ABCA1: variants seen among roughly 807,000 people sequenced by gnomAD.
ABCA1 encodes the protein ATP binding cassette subfamily A member 1.
ABCA1 carries 133 observed loss-of-function variants against 262.5 expected under a neutral mutation model. The observed-to-expected ratio is 0.51, with a 90% CI of 0.44 to 0.59. The LOEUF (loss-of-function observed/expected upper bound fraction) is 0.59, where lower values mean the gene tolerates loss of function less well. ABCA1 is among the 20% of genes least tolerant of loss of function. The probability of loss-of-function intolerance (pLI) is 0.00; values close to 1 mark genes in which losing one functional copy is unlikely to be tolerated. For missense variants in ABCA1, 2,452 were observed against 2,777.5 expected, an observed-to-expected ratio of 0.88 and a Z score of 2.63; for synonymous variants, 1,022 against 1,043.5, an observed-to-expected ratio of 0.98 and a Z score of 0.40.
rs533413438 is a variant in ABCA1 at position 104,825,753 on chromosome 9, C to A, written c.2472G>T (p.Ser824=). ...AGGTGTCAAACAGCATCATGGAGAC[C>A]GAAGTGGTGAGATTGAAGCCATCTT... The part of the protein sequence containing the change: ...VEEDGFNLTT[S]VSMMLFDTFL... Residue 824 remains serine (S), a synonymous_variant, in exon 17 of 50, where the codon TCG becomes TCT. Transcript: ENST00000374736. 3.7e-6 allele frequency: 6 copies of A among 1,614,044 alleles called. No homozygotes were observed. In the Admixed American group the frequency reaches 1.0e-4, roughly 27 times the overall value.
intron 5 of ABCA1, among the ~76,000 whole-genome samples, chr9:104,879,723 G>A (rs1213458701): frequency 6.6e-6 from 1 of 152,202 alleles, no homozygotes; most frequent in Non-Finnish European, 1.5e-5. Flanking sequence ...TGACGTGAAT[G>A]CCAAAATGCC....
intron 20 of ABCA1, among the ~76,000 whole-genome samples, chr9:104,820,413 T>C (rs1832217236): frequency 6.6e-6 from 1 of 151,934 alleles, no homozygotes; most frequent in Non-Finnish European, 1.5e-5. Flanking sequence ...AGAAGTCAGC[T>C]CGGCACTCAC....
In ABCA1 at chr9:104,830,936, G is replaced by A. The variant is rs376462722; in HGVS notation, c.1881C>T (p.Tyr627=). Residue 627 remains tyrosine (Y), a synonymous_variant, in exon 14 of 50, where the codon TAC becomes TAT. Transcript: ENST00000374736. ...TGCAGGTAACTTACATGTCATCAAC[G>A]TAACAGGGATAGGGCATCTGTTGCA... ...VYMQQMPYPC[Y]VDDIFLRVMS... The A allele has an allele frequency of 8.2e-5, 133 of 1,613,204 alleles. No individual in the cohort carries two copies. Among genetic ancestry groups the A allele is most frequent in the Non-Finnish European group, 6.2e-5 (73 of 1,179,870 alleles).
intron 13 of ABCA1, 49 bp from the exon 14 acceptor site, chr9:104,831,150 A>AAAAT: frequency 6.3e-6 from 1 of 157,868 alleles, no homozygotes; most frequent in Non-Finnish European, 1.1e-5. Context: ...ACCATACAAT[A>AAAAT]AAAAAAAAAA....
intron 1 of ABCA1, among the ~76,000 whole-genome samples, chr9:104,924,537 G>A (rs1842319040): frequency 6.6e-6 from 1 of 151,430 alleles, no homozygotes; most frequent in Admixed American, 6.6e-5. Flanking sequence ...CTGAACCTGA[G>A]AGGCGGAAGT....
chr9:104,901,584 GGACTGGAACACCAAGACCTGGGGA>G (rs1840672311), intron 2 of ABCA1, among the ~76,000 whole-genome samples: 2 of 152,258 alleles, frequency 1.3e-5, no homozygotes, highest in Admixed American at 1.3e-4. Context: ...CGGACATAGA[GGACTGGAACACCAAGACCTGGGGA>G]TAACCACGGG....
chr9:104,898,577 TAAATAAATAAATA>T (rs1300479306), intron 2 of ABCA1, among the ~76,000 whole-genome samples: 1 of 150,134 alleles, frequency 6.7e-6, no homozygotes, highest in African/African-American at 2.5e-5. Flanking sequence ...AATAAATAAA[TAAATAAATAAATA>T]AATAAATATT....
chr9:104,890,477 A>AG (rs1384732087), intron 2 of ABCA1, among the ~76,000 whole-genome samples: 8 of 152,232 alleles, frequency 5.3e-5, no homozygotes, highest in Middle Eastern at 3.4e-3. Context: ...GGTACTTGGG[A>AG]GGCTGAGGCA....
At chr9:104,895,818 C>T (rs1247234489) in intron 2 of ABCA1, among the ~76,000 whole-genome samples, 2 of 152,158 alleles carry the variant, frequency 1.3e-5, no homozygotes, top group Non-Finnish European at 2.9e-5. Flanking sequence ...GACACAGTCA[C>T]GGTGCTCTTA....
At chr9:104,926,328 C>A (rs1826320768) in intron 1 of ABCA1, among the ~76,000 whole-genome samples, 1 of 152,034 alleles carries the variant, frequency 6.6e-6, no homozygotes, top group Admixed American at 6.6e-5. Flanking sequence ...AATCTTATTT[C>A]TTTGCTTCTT....
rs145623477 is a variant in ABCA1 at position 104,862,126 on chromosome 9, C to T, written c.422-326G>A. On this transcript the variant is annotated intron_variant, in intron 5 of 49. Transcript: ENST00000374736. ...TTCTTTTTTTTTTTTTATTTTGAGA[C>T]GGAGTCTCACCCTGTCACCTAGGTT... Among the ~76,000 whole-genome samples the T allele has an allele frequency of 7.6e-3, 1,149 of 150,546 alleles. 19 individuals carry two copies. Among genetic ancestry groups the T allele is most frequent in the African/African-American group, 0.027 (1,083 of 40,806 alleles).
In ABCA1 at chr9:104,841,442, AAAAAG is replaced by A. The variant is rs1554721806; in HGVS notation, c.814-928_814-924del. Among the ~76,000 whole-genome samples the A allele has an allele frequency of 1.5e-3, 133 of 87,214 alleles. 2 individuals carry two copies. Among genetic ancestry groups the A allele is most frequent in the African/African-American group, 8.7e-3 (129 of 14,874 alleles). The allele number at this position is 87,214 out of a possible 152,430, so 57.2% of individuals were successfully genotyped here. ...CAAAAGCAAGACTCAGTCTTAAAAA[AAAAAG>A]AAAAAGAAAAAGAAAAAGAAAAACT... On this transcript the variant is annotated intron_variant, in intron 8 of 49. Coordinates refer to ENST00000374736, the MANE Select transcript of ABCA1 (RefSeq NM_005502.4).
At chr9:104,820,974 G>A (rs898142267) in intron 20 of ABCA1, among the ~76,000 whole-genome samples, 1 of 152,246 alleles carries the variant, frequency 6.6e-6, no homozygotes, top group Non-Finnish European at 1.5e-5. Context: ...GCCAGACACA[G>A]TGGCTCATGC....
chr9:104,861,415 A>G (rs1446200848), intron 6 of ABCA1: 1 of 597,918 alleles, frequency 1.7e-6, no homozygotes, highest in East Asian at 2.8e-5. Flanking sequence ...TTGTAGGAGG[A>G]AATCATCACA....
chr9:104,903,312 G>A (rs1208082954), intron 2 of ABCA1, among the ~76,000 whole-genome samples: 1 of 152,128 alleles, frequency 6.6e-6, no homozygotes, highest in Non-Finnish European at 1.5e-5. Context: ...CAGGGCTGCA[G>A]CAAAAGGAAA....
Position 104,821,463 on chromosome 9 carries a change from A to G in ABCA1, c.2872T>C (p.Tyr958His). 2 of 1,614,104 alleles carry G rather than the reference A, an allele frequency of 1.2e-6. No individual in the cohort carries two copies. Among genetic ancestry groups the G allele is most frequent in the African/African-American group, 1.3e-5 (1 of 75,058 alleles). The change falls in exon 20 of 50, where the codon TAC (tyrosine) becomes CAC (histidine). Residue 958 changes from tyrosine (Y) to histidine (H), a missense_variant. Coordinates refer to ENST00000374736, the MANE Select transcript of ABCA1 (RefSeq NM_005502.4). Reference sequence around the variant, plus strand: ...GAGCGAATGTCTTTTCCCAGGATGTAGGCGGTGCCCGAGGTCGGGGGGAAC... The same window carrying G: ...GAGCGAATGTCTTTTCCCAGGATGTGGGCGGTGCCCGAGGTCGGGGGGAAC... Reference protein sequence around the residue: ...GLFPPTSGTAYILGKDIRSEM... With the variant: ...GLFPPTSGTAHILGKDIRSEM...
chr9:104,792,135 G>C (rs74712259), intron 42 of ABCA1, 137 bp from the exon 43 acceptor site: 2 of 797,944 alleles, frequency 2.5e-6, no homozygotes, highest in African/African-American at 3.4e-5. Flanking sequence ...AGGCATATTT[G>C]ATGTGCCAAG....
rs1454849819 is a variant in ABCA1, at chr9:104,817,388, T to C, written c.3479A>G (p.Gln1160Arg). ...SYLKKEDSVS[Q>R]SSSDAGLGSD... ...GCCCAGGCCAGCATCAGAACTGCTC[T>C]GAGAAACACTGTCCTCCTGATGGCA... is the stretch of plus-strand genomic sequence containing the variant. Residue 1160 changes from glutamine to arginine, a missense_variant, in exon 24 of 50, where the codon CAG becomes CGG. Coordinates refer to ENST00000374736, the MANE Select transcript of ABCA1 (RefSeq NM_005502.4). The surrounding 1 kb of genome is among the most constrained non-coding windows in gnomAD (Gnocchi z 4.7). 1 of 1,614,200 alleles carries C rather than the reference T, an allele frequency of 6.2e-7. No individual in the cohort carries two copies. Among genetic ancestry groups the C allele is most frequent in the South Asian group, 1.1e-5 (1 of 91,078 alleles).
At chr9:104,820,755 G>A (rs1252959586) in intron 20 of ABCA1, among the ~76,000 whole-genome samples, 1 of 146,612 alleles carries the variant, frequency 6.8e-6, no homozygotes, top group Non-Finnish European at 1.5e-5. Context: ...CCTCAATAAG[G>A]AGGGTGGCGG....
Sources: gnomAD v4.1 joint callset for allele counts (sites outside exome capture counted in the v4.1 genomes callset) on GRCh38, gnomAD v4.1.1 for gene constraint, Gnocchi (gnomAD v3.1) non-coding constraint, MANE v1.5 for transcripts, NCBI Gene and HGNC (gene_info 2026-07-23, HGNC 2026-07-21) for gene names.